NT5C3B: variants seen among roughly 807,000 people sequenced by gnomAD.
NT5C3B encodes the protein 5'-nucleotidase, cytosolic IIIB.
NT5C3B carries 28 observed loss-of-function variants against 32.5 expected under a neutral mutation model. The observed-to-expected ratio is 0.86, with a 90% confidence interval of 0.64 to 1.18. NT5C3B has a LOEUF of 1.18. Among genes scored for constraint, NT5C3B ranks in the 50% most tolerant of loss-of-function variants. The pLI is 0.00. For synonymous variants in NT5C3B, 138 were observed against 118.0 expected (o/e 1.17, Z -1.10); for missense variants, 317 against 322.0 (o/e 0.98, Z 0.12).
Position 41,832,397 on chromosome 17 carries a change from C to T in NT5C3B, c.309G>A (p.Val103=), listed in dbSNP as rs914328331. 2.5e-6 allele frequency: 4 copies of T among 1,613,502 alleles called. No homozygotes were observed. The highest frequency in any genetic ancestry group is 1.1e-5 in the South Asian group (1 of 91,066). Reference sequence around the variant, plus strand: ...TCTCCACCACCATCACTCACCATTCCACCATATGAGGTAGCTTCTCCTTGA... The same window carrying T: ...TCTCCACCACCATCACTCACCATTCTACCATATGAGGTAGCTTCTCCTTGA... ...RTVKEKLPHM[V]EWWTKAHNLL... is the part of the protein sequence containing the mutation. Residue 103 remains valine (V), a synonymous_variant, in exon 5 of 9, where the codon GTG becomes GTA. Coordinates refer to ENST00000435506, the MANE Select transcript of NT5C3B (RefSeq NM_052935.5).
Position 41,827,510 on chromosome 17 carries a change from C to T in NT5C3B, c.684G>A (p.Leu228=), listed in dbSNP as rs2047987097. 1.1e-6 allele frequency: 1 copy of T among 872,824 alleles called. No homozygotes were observed. Among genetic ancestry groups the T allele is most frequent in the African/African-American group, 1.6e-5 (1 of 61,304 alleles). The allele number at this position is 872,824 out of a possible 1,614,324, so 54.1% of individuals were successfully genotyped here. ...TGGTGAGGTCCCCGATAGAGTCTCC[C>T]AGCAGGATGACATTGGTTTTGCCCT... is the stretch of plus-strand genomic sequence containing the variant. ...QLEGKTNVIL[L]GDSIGDLTMA... Residue 228 remains leucine, a synonymous_variant, in exon 8 of 9, where the codon CTG becomes CTA. Coordinates refer to ENST00000435506, the MANE Select transcript of NT5C3B (RefSeq NM_052935.5).
In NT5C3B at chr17:41,835,110, A is replaced by G. The variant is rs1555619633; in HGVS notation, c.188T>C (p.Leu63Pro). The change falls in exon 4 of 9, where the codon CTG becomes CCG. Residue 63 changes from leucine (L) to proline (P), a missense_variant. Leu to Pro is a moderately conservative substitution (Grantham distance 98, BLOSUM62 -3). Coordinates refer to ENST00000435506, the MANE Select transcript of NT5C3B (RefSeq NM_052935.5). Reference protein sequence around the residue: ...GKRCPSSYNILDNSKIISEEC... With the variant: ...GKRCPSSYNIPDNSKIISEEC... ...CTCACTGATGATCTTGCTATTATCC[A>G]GAATATCTGGAAAAAGAGAAAACTC... The G allele has an allele frequency of 6.2e-7, 1 of 1,614,088 alleles. No individual in the cohort carries two copies. The highest frequency in any genetic ancestry group is 8.5e-7 in the Non-Finnish European group (1 of 1,180,018).
At position 41,825,303 on chromosome 17, in the gene NT5C3B, G is replaced by A; in HGVS notation, c.*220C>T. 1.9e-6 allele frequency: 1 copy of A among 530,828 alleles called. No individual in the cohort carries two copies. Among genetic ancestry groups the A allele is most frequent in the Non-Finnish European group, 3.4e-6 (1 of 296,972 alleles). 32.9% of individuals were successfully genotyped at this position (530,828 alleles called of 1,614,324 possible). A position where few individuals can be genotyped will look rare whatever the true frequency, so the allele number is the denominator to read the frequency against. On this transcript the variant is annotated 3_prime_UTR_variant, in exon 9 of 9. Coordinates refer to ENST00000435506, the MANE Select transcript of NT5C3B (RefSeq NM_052935.5). ...ATCCCTAGAGCACTGACATGCTGTG[G>A]TCCAAGGTTCACCAGGAACAGTGCC...
intron 7 of NT5C3B, chr17:41,828,490 C>T: frequency 4.3e-6 from 1 of 230,030 alleles, no homozygotes. Flanking sequence ...CCACACACCA[C>T]CACGCCCGGC....
intron 5 of NT5C3B, among the ~76,000 whole-genome samples, chr17:41,832,172 T>C (rs1284948138): frequency 2.0e-5 from 3 of 152,184 alleles, no homozygotes; most frequent in Non-Finnish European, 2.9e-5. Context: ...GTCTTTAACT[T>C]ATTCCAAGGA....
chr17:41,831,292 C>T (rs1468884040), intron 5 of NT5C3B, among the ~76,000 whole-genome samples: 4 of 139,746 alleles, frequency 2.9e-5, no homozygotes, highest in Non-Finnish European at 6.0e-5. Context: ...TGCACTCCAG[C>T]CTGGGTGACA....
At chr17:41,830,431 C>T (rs1054971675) in intron 6 of NT5C3B, among the ~76,000 whole-genome samples, 2 of 152,158 alleles carry the variant, frequency 1.3e-5, no homozygotes, top group South Asian at 4.1e-4. Flanking sequence ...ATCGCTTGAA[C>T]CCAGGAGGTG....
At chr17:41,833,523 G>T (rs2048087220) in intron 4 of NT5C3B, among the ~76,000 whole-genome samples, 1 of 152,074 alleles carries the variant, frequency 6.6e-6, no homozygotes, top group Admixed American at 6.6e-5. Flanking sequence ...TTGCCATGTT[G>T]TCCAGGCTGG....
At position 41,835,100 on chromosome 17, in the gene NT5C3B, G is replaced by A. The variant is rs2048122946; in HGVS notation, c.198C>T (p.Ser66=). 1 of 1,613,984 alleles carries A rather than the reference G, an allele frequency of 6.2e-7. No homozygotes were observed. Among genetic ancestry groups the A allele is most frequent in the Non-Finnish European group, 8.5e-7 (1 of 1,179,978 alleles). The change falls in exon 4 of 9, where the codon AGC becomes AGT. Residue 66 remains serine (S), a synonymous_variant. Coordinates refer to ENST00000435506, the MANE Select transcript of NT5C3B (RefSeq NM_052935.5). ...TCCGACACTCCTCACTGATGATCTT[G>A]CTATTATCCAGAATATCTGGAAAAA... ...CPSSYNILDN[S]KIISEECRKE...
chr17:41,836,101 G>T, intron 1 of NT5C3B, 81 bp downstream of exon 1: 1 of 1,342,770 alleles, frequency 7.4e-7, no homozygotes. Flanking sequence ...GCGGTGCCTC[G>T]GTGACCAGCT....
rs1419037764 is a variant in NT5C3B at position 41,827,297 on chromosome 17, T to A, written c.768+129A>T. 4 of 410,724 alleles carry A rather than the reference T, an allele frequency of 9.7e-6. No homozygotes were observed. The South Asian group carries it at 3.1e-4, about 32-fold the overall frequency. The allele number at this position is 410,724 out of a possible 1,614,324, so 25.4% of individuals were successfully genotyped here. A position where few individuals can be genotyped will look rare whatever the true frequency, so the allele number is the denominator to read the frequency against. ...CTGGGCGACAGAGTGAGACCCCGTC[T>A]CAAAAAAAAATAAAATAAAATAAAA... On this transcript the variant is annotated intron_variant, in intron 8 of 8. Coordinates refer to ENST00000435506, the MANE Select transcript of NT5C3B (RefSeq NM_052935.5).
intron 3 of NT5C3B, 32 bp downstream of exon 3, chr17:41,835,171 A>G (rs1555619654): frequency 1.9e-6 from 3 of 1,613,742 alleles, no homozygotes; most frequent in Non-Finnish European, 2.5e-6. Context: ...CGTCTTGTCA[A>G]GCTCAACAAG....
rs1567862620 is a variant in NT5C3B at position 41,832,380 on chromosome 17, A to G, written c.314+12T>C. Reference sequence around the variant, plus strand: ...AAGGGCCCAGAAGCTTTTCTCCACCACCATCACTCACCATTCCACCATATG... The same window carrying G: ...AAGGGCCCAGAAGCTTTTCTCCACCGCCATCACTCACCATTCCACCATATG... On this transcript the variant is annotated intron_variant, in intron 5 of 8. Coordinates refer to ENST00000435506, the MANE Select transcript of NT5C3B (RefSeq NM_052935.5). The G allele has an allele frequency of 2.5e-6, 4 of 1,612,162 alleles. No individual in the cohort carries two copies. Among genetic ancestry groups the G allele is most frequent in the Non-Finnish European group, 3.4e-6 (4 of 1,178,526 alleles).
At chr17:41,830,305 T>C (rs782385211) in intron 6 of NT5C3B, among the ~76,000 whole-genome samples, 1 of 152,168 alleles carries the variant, frequency 6.6e-6, no homozygotes, top group Non-Finnish European at 1.5e-5. Context: ...GGTCAAGAGA[T>C]TGAGACCATC....
chr17:41,830,814 T>C lies in NT5C3B; in HGVS notation c.391A>G (p.Asn131Asp). The change falls in exon 6 of 9, where the codon AAT (asparagine) becomes GAT (aspartate). Residue 131 changes from asparagine (N) to aspartate (D), a missense_variant. Asn to Asp is a conservative substitution (Grantham distance 23). Coordinates refer to ENST00000435506, the MANE Select transcript of NT5C3B (RefSeq NM_052935.5). ...FQIAQVVRESNAMLREGYKTF... is the reference protein window; with the variant it reads ...FQIAQVVRESDAMLREGYKTF... ...CAAGACGCTTACCTGAGCATTGCAT[T>C]GGACTCTCTAACCACCTGGGCTATC... 6.2e-7 allele frequency: 1 copy of C among 1,605,290 alleles called. No homozygotes were observed. The highest frequency in any genetic ancestry group is 8.5e-7 in the Non-Finnish European group (1 of 1,172,034).
chr17:41,832,790 C>A, intron 4 of NT5C3B: 1 of 205,270 alleles, frequency 4.9e-6, no homozygotes, highest in Non-Finnish European at 1.0e-5. Flanking sequence ...ATCGTTTGAA[C>A]CCAGGAGGCG....
chr17:41,835,132 A>G lies in NT5C3B; in HGVS notation c.182-16T>C, dbSNP rs369770995. The G allele has an allele frequency of 2.0e-5, 33 of 1,613,686 alleles. No homozygotes were observed. Among genetic ancestry groups the G allele is most frequent in the Non-Finnish European group, 2.7e-5 (32 of 1,179,804 alleles). ...TCCAGAATATCTGGAAAAAGAGAAA[A>G]CTCCTTTTACTTGTCCCTTAGAACC... On this transcript the variant is annotated splice_polypyrimidine_tract_variant and intron_variant, in intron 3 of 8. Coordinates refer to ENST00000435506, the MANE Select transcript of NT5C3B (RefSeq NM_052935.5).
At chr17:41,829,769 C>T (rs1171252672) in intron 6 of NT5C3B, among the ~76,000 whole-genome samples, 1 of 152,154 alleles carries the variant, frequency 6.6e-6, no homozygotes, top group East Asian at 1.9e-4. Flanking sequence ...GTTATGGATA[C>T]AGCTGCCATG....
chr17:41,832,444 C>A lies in NT5C3B; in HGVS notation c.262G>T (p.Glu88Ter). 6.2e-7 allele frequency: 1 copy of A among 1,613,778 alleles called. No homozygotes were observed. The highest frequency in any genetic ancestry group is 1.1e-5 in the South Asian group (1 of 91,064). The change falls in exon 5 of 9, where the codon GAG (glutamate) becomes TAG (stop). Residue 88 changes from glutamate to a stop codon, truncating the protein, a stop_gained. Transcript: ENST00000435506. LOFTEE classifies it high-confidence loss of function. ...TTGACGGTCCGGTGTGGGTCGATCT[C>A]AATTGGGTAATAGTGGTGAAGGAGC... Reference protein sequence around the residue: ...TALLHHYYPIEIDPHRTVKEK... With the variant: ...TALLHHYYPI
Sources: gnomAD v4.1 joint callset for allele counts (sites outside exome capture counted in the v4.1 genomes callset) on GRCh38, gnomAD v4.1.1 for gene constraint, MANE v1.5 for transcripts, NCBI Gene and HGNC (gene_info 2026-07-23, HGNC 2026-07-21) for gene names.